GNG4: variants seen among roughly 807,000 people sequenced by gnomAD.
GNG4 encodes the protein G protein subunit gamma 4.
A neutral mutation model predicts 5.8 loss-of-function variants in GNG4; 4 were observed. The observed-to-expected ratio is 0.69, with a 90% CI of 0.34 to 1.57. The LOEUF is 1.57. Among genes scored for constraint, GNG4 ranks in the 40% most tolerant of loss-of-function variants. The pLI, the probability that GNG4 is intolerant of heterozygous loss-of-function variation, is 0.06. For synonymous variants in GNG4, 29 were observed against 32.9 expected, an observed-to-expected ratio of 0.88 and a Z score of 0.41; for missense variants, 96 against 95.1, an observed-to-expected ratio of 1.01 and a Z score of -0.04.
intron 1 of GNG4, among the ~76,000 whole-genome samples, chr1:235,607,486 T>A (rs983581382): frequency 3.9e-5 from 6 of 152,178 alleles, no homozygotes; most frequent in Non-Finnish European, 7.4e-5. Context: ...TGGGGCCTAC[T>A]CTCGGGAGGC....
chr1:235,570,927 C>CAT (rs575887309), intron 3 of GNG4, among the ~76,000 whole-genome samples: 129 of 118,902 alleles, frequency 1.1e-3, no homozygotes, highest in African/African-American at 2.7e-3. Context: ...TATATATACA[C>CAT]ACACACACAC....
intron 2 of GNG4, among the ~76,000 whole-genome samples, chr1:235,593,412 C>T (rs1688031652): frequency 6.6e-6 from 1 of 152,136 alleles, no homozygotes; most frequent in East Asian, 1.9e-4. Flanking sequence ...TGTCATTGTG[C>T]CTTTGCAGCC....
chr1:235,630,055 T>C (rs1688901489), intron 1 of GNG4, among the ~76,000 whole-genome samples: 2 of 152,246 alleles, frequency 1.3e-5, no homozygotes, highest in Admixed American at 1.3e-4. Flanking sequence ...TTTTCTTTTG[T>C]ACAATGATGT....
chr1:235,603,217 C>CT (rs1007475839), intron 1 of GNG4, among the ~76,000 whole-genome samples: 1 of 151,070 alleles, frequency 6.6e-6, no homozygotes, highest in African/African-American at 2.4e-5. Context: ...GCACTCCAGC[C>CT]TGGACAACAG....
At chr1:235,606,785 C>T (rs1038678746) in intron 1 of GNG4, among the ~76,000 whole-genome samples, 10 of 151,902 alleles carry the variant, frequency 6.6e-5, no homozygotes, top group Admixed American at 6.6e-5. Context: ...GTGGGAGGCT[C>T]ATGGGCCAGG....
chr1:235,616,988 T>C (rs1688605673), intron 1 of GNG4, among the ~76,000 whole-genome samples: 1 of 149,152 alleles, frequency 6.7e-6, no homozygotes. Flanking sequence ...CCTCAGGTGA[T>C]CCATCTGTCT....
intron 1 of GNG4, among the ~76,000 whole-genome samples, chr1:235,634,920 G>A (rs1689003869): frequency 6.6e-6 from 1 of 151,694 alleles, no homozygotes; most frequent in South Asian, 2.1e-4. Flanking sequence ...CGCGACAAGA[G>A]CAAAACTCTG....
At chr1:235,581,375 A>C (rs1687630974) in intron 3 of GNG4, among the ~76,000 whole-genome samples, 1 of 151,960 alleles carries the variant, frequency 6.6e-6, no homozygotes, top group Non-Finnish European at 1.5e-5. Flanking sequence ...TAAAAATACA[A>C]AAAATTAGCC....
chr1:235,609,811 G>A (rs1688440264), intron 1 of GNG4, among the ~76,000 whole-genome samples: 1 of 151,952 alleles, frequency 6.6e-6, no homozygotes, highest in African/African-American at 2.4e-5. Flanking sequence ...GGAGGCTGAG[G>A]CTACAGTGAG....
chr1:235,618,950 G>A (rs922256840), intron 1 of GNG4, among the ~76,000 whole-genome samples: 2 of 149,866 alleles, frequency 1.3e-5, no homozygotes, highest in Non-Finnish European at 3.0e-5. Flanking sequence ...GCCACTGCAC[G>A]CCGCCAGTGA....
chr1:235,621,575 G>A lies in GNG4; in HGVS notation c.-122-26064C>T, dbSNP rs1343494620. Among the ~76,000 whole-genome samples the A allele has an allele frequency of 2.6e-5, 4 of 151,968 alleles. No individual in the cohort carries two copies. In the East Asian group the frequency reaches 7.7e-4, roughly 29 times the overall value. ...CTCCCAGCATACTGGGATTACAGGT[G>A]TGAGCCACTGCACCTGGCAAAAAAA... On this transcript the variant is annotated intron_variant, in intron 1 of 3. Coordinates refer to ENST00000391854, the MANE Select transcript of GNG4 (RefSeq NM_001098722.2).
intron 1 of GNG4, among the ~76,000 whole-genome samples, chr1:235,597,407 C>T (rs202227753): frequency 6.5e-5 from 8 of 122,856 alleles, no homozygotes; most frequent in African/African-American, 2.5e-4. Flanking sequence ...CTACCCCCCC[C>T]AAATTCCTAT....
In GNG4 at chr1:235,580,739, G is replaced by GTTTTTTTT. The variant is rs1200655746; in HGVS notation, c.99+3000_99+3001insAAAAAAAA. On this transcript the variant is annotated intron_variant, in intron 3 of 3. Coordinates refer to ENST00000391854, the MANE Select transcript of GNG4 (RefSeq NM_001098722.2). Reference sequence around the variant, plus strand: ...GCACAGCAACATGGCGGCCTATCCCGTTTTTTGTTTTTTTTTTTTTTTTTT... The same window carrying GTTTTTTTT: ...GCACAGCAACATGGCGGCCTATCCCGTTTTTTTTTTTTTTGTTTTTTTTTTTTTTTTTT... Among the ~76,000 whole-genome samples the GTTTTTTTT allele has an allele frequency of 5.1e-5, 5 of 98,046 alleles. 1 individual carries two copies. Among genetic ancestry groups the GTTTTTTTT allele is most frequent in the East Asian group, 3.5e-4 (1 of 2,852 alleles). The allele number at this position is 98,046 out of a possible 152,430, so 64.3% of individuals were successfully genotyped here.
chr1:235,603,438 G>A lies in GNG4; in HGVS notation c.-122-7927C>T, dbSNP rs538393154. Among the ~76,000 whole-genome samples, 9 of 152,042 alleles carry A rather than the reference G, an allele frequency of 5.9e-5. No individual in the cohort carries two copies. The South Asian group carries it at 8.3e-4, about 14-fold the overall frequency. Reference sequence around the variant, plus strand: ...GCTGTTTCTCAGTCATCCTAGGCTGGAGCTGAATGTCCTGACCCCTGAAGG... The same window carrying A: ...GCTGTTTCTCAGTCATCCTAGGCTGAAGCTGAATGTCCTGACCCCTGAAGG... On this transcript the variant is annotated intron_variant, in intron 1 of 3. Coordinates refer to ENST00000391854, the MANE Select transcript of GNG4 (RefSeq NM_001098722.2).
At chr1:235,643,882 G>A (rs182181855) in intron 1 of GNG4, among the ~76,000 whole-genome samples, 5 of 152,352 alleles carry the variant, frequency 3.3e-5, no homozygotes, top group African/African-American at 4.8e-5. Flanking sequence ...CACAAGGAGA[G>A]GGTCTAACGA....
intron 3 of GNG4, among the ~76,000 whole-genome samples, chr1:235,558,778 A>G (rs1393151408): frequency 6.6e-6 from 1 of 152,214 alleles, no homozygotes; most frequent in East Asian, 1.9e-4. Flanking sequence ...CTTTCCCTCA[A>G]GTTCACTGTG....
At position 235,548,792 on chromosome 1, in the gene GNG4, C is replaced by T. The variant is rs1686654684; in HGVS notation, c.*3317G>A. The stretch of plus-strand genomic sequence containing the variant: ...GACAACTGTCCCCACAGCTGCACTC[C>T]ACAATGCAAGCAGGCTTTATTCCAT... On this transcript the variant is annotated 3_prime_UTR_variant, in exon 4 of 4. Coordinates refer to ENST00000391854, the MANE Select transcript of GNG4 (RefSeq NM_001098722.2). The T allele has an allele frequency of 2.0e-5, 3 of 152,248 alleles. No individual in the cohort carries two copies. The highest frequency in any genetic ancestry group is 2.1e-4 in the South Asian group (1 of 4,834). The allele number at this position is 152,248 out of a possible 1,614,324, so 9.4% of individuals were successfully genotyped here. A position where few individuals can be genotyped will look rare whatever the true frequency, so the allele number is the denominator to read the frequency against.
At chr1:235,613,392 G>GT (rs1291627699) in intron 1 of GNG4, among the ~76,000 whole-genome samples, 1 of 152,184 alleles carries the variant, frequency 6.6e-6, no homozygotes, top group Non-Finnish European at 1.5e-5. Flanking sequence ...GATAATGGGG[G>GT]TTTTAGGTTG....
intron 3 of GNG4, among the ~76,000 whole-genome samples, chr1:235,570,868 G>A (rs1402561079): frequency 1.3e-5 from 2 of 148,712 alleles, no homozygotes; most frequent in Admixed American, 6.7e-5. Flanking sequence ...ATATATGTGT[G>A]TGTGTGTGTG....
Sources: gnomAD v4.1 joint callset for allele counts (sites outside exome capture counted in the v4.1 genomes callset) on GRCh38, gnomAD v4.1.1 for gene constraint, MANE v1.5 for transcripts, NCBI Gene and HGNC (gene_info 2026-07-23, HGNC 2026-07-21) for gene names.